Variants in CLSTN1 observed in about 807,000 individuals in gnomAD.
The protein encoded by CLSTN1 is calsyntenin 1.
A neutral mutation model predicts 108.3 loss-of-function variants in CLSTN1; 28 were observed. The ratio of observed to expected loss-of-function variants is 0.26; its 90% CI spans 0.19 to 0.35. The LOEUF (loss-of-function observed/expected upper bound fraction) is 0.35, where lower values mean the gene tolerates loss of function less well. Among genes scored for constraint, CLSTN1 ranks in the 10% least tolerant of loss-of-function variants. The pLI is 1.00. For missense variants in CLSTN1, 1,157 were observed against 1,302.6 expected, an observed-to-expected ratio of 0.89 and a Z score of 1.72; for synonymous variants, 524 against 534.9, an observed-to-expected ratio of 0.98 and a Z score of 0.28.
chr1:9,764,593 C>T (rs1461397779), intron 2 of CLSTN1, among the ~76,000 whole-genome samples: 1 of 150,334 alleles, frequency 6.7e-6, no homozygotes, highest in Non-Finnish European at 1.5e-5. Context: ...GCTGAGATCC[C>T]GCTGCTGCAT....
intron 1 of CLSTN1, among the ~76,000 whole-genome samples, chr1:9,794,513 T>C (rs1297523262): frequency 6.6e-6 from 1 of 151,306 alleles, no homozygotes; most frequent in Non-Finnish European, 1.5e-5. Context: ...TTCGTCATGT[T>C]GGCCATGCTG....
chr1:9,764,637 T>TAAAAAAAAA (rs70998307), intron 2 of CLSTN1, among the ~76,000 whole-genome samples: 2 of 82,332 alleles, frequency 2.4e-5, no homozygotes, highest in Non-Finnish European at 4.6e-5. Flanking sequence ...GCTCCATCTT[T>TAAAAAAAAA]AAAAAAAAAA....
chr1:9,794,669 C>T (rs1653913558), intron 1 of CLSTN1, among the ~76,000 whole-genome samples: 1 of 151,356 alleles, frequency 6.6e-6, no homozygotes, highest in African/African-American at 2.4e-5. Flanking sequence ...AGGGACGTGC[C>T]ATGATTTCCT....
At chr1:9,796,130 T>C (rs1288223573) in intron 1 of CLSTN1, among the ~76,000 whole-genome samples, 12 of 149,608 alleles carry the variant, frequency 8.0e-5, no homozygotes, top group Admixed American at 2.1e-4. Flanking sequence ...GGCGTGGTGG[T>C]GGGCGCCTGT....
rs1485549794 is a variant in CLSTN1, at chr1:9,823,452, C to T, written c.91+191G>A. Among the ~76,000 whole-genome samples, 1 of 152,018 alleles carries T rather than the reference C, an allele frequency of 6.6e-6. No homozygotes were observed. The highest frequency in any genetic ancestry group is 1.5e-5 in the Non-Finnish European group (1 of 67,968). On this transcript the variant is annotated intron_variant, in intron 1 of 18. Coordinates refer to ENST00000377298, the MANE Select transcript of CLSTN1 (RefSeq NM_001009566.3). The surrounding 1 kb of genome is among the most constrained non-coding windows in gnomAD (Gnocchi z 6.3). The stretch of plus-strand genomic sequence containing the variant: ...CCTGGCCCCGGCTCCGCGAGCCCGA[C>T]CCCCAACCCGAACCCCACGCCCTGA...
At chr1:9,773,107 C>T (rs974338621) in intron 2 of CLSTN1, among the ~76,000 whole-genome samples, 165 bp downstream of exon 2, 5 of 152,046 alleles carry the variant, frequency 3.3e-5, no homozygotes, top group African/African-American at 1.2e-4. Flanking sequence ...TTGTCAGCTA[C>T]CCCAACTATT....
intron 1 of CLSTN1, among the ~76,000 whole-genome samples, chr1:9,791,860 G>C (rs2101228845): frequency 6.6e-6 from 1 of 151,044 alleles, no homozygotes; most frequent in South Asian, 2.2e-4. Flanking sequence ...TTAATGTTAA[G>C]ATTTCTGGCC....
Position 9,823,226 on chromosome 1 carries a change from T to A in CLSTN1, c.91+417A>T, listed in dbSNP as rs377252067. Among the ~76,000 whole-genome samples the A allele has an allele frequency of 8.9e-4, 135 of 152,204 alleles. 2 individuals carry two copies. The South Asian group carries it at 0.02, about 22-fold the overall frequency. ...CATCTGAGCACACGTACACAGAGCA[T>A]CTCACCCAGGGGTGCAGCCCCAGCC... On this transcript the variant is annotated intron_variant, in intron 1 of 18. Transcript: ENST00000377298. The surrounding 1 kb of genome is among the most constrained non-coding windows in gnomAD (Gnocchi z 6.3).
chr1:9,730,163 C>A lies in CLSTN1; in HGVS notation c.*345G>T. On this transcript the variant is annotated 3_prime_UTR_variant, in exon 19 of 19. Coordinates refer to ENST00000377298, the MANE Select transcript of CLSTN1 (RefSeq NM_001009566.3). This position sits in a 1 kb window ranked among gnomAD's most constrained non-coding sequence, Gnocchi z 5.6. ...GCATGTTTTACCCTTTGTCAACGAG[C>A]CCAGCTGGCATGGCTTTTCTGGAGT... is the stretch of plus-strand genomic sequence containing the variant. The A allele has an allele frequency of 2.7e-6, 1 of 373,292 alleles. No homozygotes were observed. Among genetic ancestry groups the A allele is most frequent in the Non-Finnish European group, 4.9e-6 (1 of 202,194 alleles). The allele number at this position is 373,292 out of a possible 1,614,324, so 23.1% of individuals were successfully genotyped here.
chr1:9,802,633 G>A (rs1654330457), intron 1 of CLSTN1, among the ~76,000 whole-genome samples: 1 of 152,046 alleles, frequency 6.6e-6, no homozygotes, highest in African/African-American at 2.4e-5. Context: ...CAGGGTTAAA[G>A]ACACCCCAGA....
At chr1:9,792,069 C>T (rs1292128226) in intron 1 of CLSTN1, among the ~76,000 whole-genome samples, 1 of 150,866 alleles carries the variant, frequency 6.6e-6, no homozygotes, top group Non-Finnish European at 1.5e-5. Flanking sequence ...GAATCATTTG[C>T]TACTCAGGAG....
At position 9,749,893 on chromosome 1, in the gene CLSTN1, T is replaced by C; in HGVS notation, c.670A>G (p.Lys224Glu). ...DKDGYIKNTEKLNYGKEHQYK... is the reference protein window; with the variant it reads ...DKDGYIKNTEELNYGKEHQYK... ...TGATGTTCTTTCCCGTAGTTTAATT[T>C]CTCTGTGTTTTTTATATAACCTTAC... The change falls in exon 6 of 19, where the codon AAA becomes GAA. Residue 224 changes from lysine (K) to glutamate (E), a missense_variant. Lys to Glu is a moderately conservative substitution (Grantham distance 56). Coordinates refer to ENST00000377298, the MANE Select transcript of CLSTN1 (RefSeq NM_001009566.3). The C allele has an allele frequency of 1.2e-6, 2 of 1,613,978 alleles. No individual in the cohort carries two copies. Among genetic ancestry groups the C allele is most frequent in the Non-Finnish European group, 1.7e-6 (2 of 1,179,964 alleles).
intron 1 of CLSTN1, among the ~76,000 whole-genome samples, chr1:9,794,810 G>T (rs1653918827): frequency 6.6e-6 from 1 of 151,382 alleles, no homozygotes; most frequent in South Asian, 2.2e-4. Flanking sequence ...AAACATAACA[G>T]ACCAGGGGTA....
At chr1:9,776,999 T>G (rs1006352799) in intron 1 of CLSTN1, among the ~76,000 whole-genome samples, 2 of 151,872 alleles carry the variant, frequency 1.3e-5, no homozygotes, top group African/African-American at 4.8e-5. Context: ...CACAGATCAC[T>G]TGAGGTCAGG....
chr1:9,745,146 G>A (rs551715264), intron 7 of CLSTN1, among the ~76,000 whole-genome samples: 3 of 151,350 alleles, frequency 2.0e-5, no homozygotes, highest in East Asian at 3.9e-4. Context: ...AGGGCCAGGC[G>A]TGAACCCGGG....
chr1:9,778,843 C>T (rs1025406990), intron 1 of CLSTN1, among the ~76,000 whole-genome samples: 2 of 151,430 alleles, frequency 1.3e-5, no homozygotes, highest in East Asian at 1.9e-4. Flanking sequence ...GGTAAAACCC[C>T]GTCTGTACTA....
chr1:9,780,144 G>A (rs988038950), intron 1 of CLSTN1, among the ~76,000 whole-genome samples: 3 of 152,062 alleles, frequency 2.0e-5, no homozygotes, highest in South Asian at 4.2e-4. Flanking sequence ...CATGAGCCAC[G>A]GCATCCGGCC....
chr1:9,811,134 C>G (rs543295032), intron 1 of CLSTN1, among the ~76,000 whole-genome samples: 1 of 152,086 alleles, frequency 6.6e-6, no homozygotes, highest in Non-Finnish European at 1.5e-5. Context: ...TATTAATGGC[C>G]TAAAACATTA....
chr1:9,749,481 T>C lies in CLSTN1; in HGVS notation c.965A>G (p.Lys322Arg), dbSNP rs1651443282. ...KGCDRDTYSE[K>R]SLHRLCGAAA... ...CTTACCACAGAGCCGGTGGAGGGAC[T>C]TCTCTGAGTAGGTGTCTCGGTCGCA... Residue 322 changes from lysine to arginine, a missense_variant, in exon 7 of 19, where the codon AAG becomes AGG. Lys to Arg is a conservative substitution (Grantham distance 26). Coordinates refer to ENST00000377298, the MANE Select transcript of CLSTN1 (RefSeq NM_001009566.3). 1.2e-6 allele frequency: 2 copies of C among 1,612,326 alleles called. No individual in the cohort carries two copies. Among genetic ancestry groups the C allele is most frequent in the Admixed American group, 3.4e-5 (2 of 59,184 alleles).
Sources: allele counts gnomAD v4.1 joint callset (sites outside exome capture counted in the v4.1 genomes callset), GRCh38; gene constraint gnomAD v4.1.1; non-coding constraint Gnocchi (gnomAD v3.1); transcripts MANE v1.5; gene names NCBI Gene and HGNC (gene_info 2026-07-23, HGNC 2026-07-21).